CORIN: variants seen among roughly 807,000 people sequenced by gnomAD.
CORIN encodes atrial natriuretic peptide-converting enzyme.
CORIN carries 117 observed loss-of-function variants against 125.3 expected under a neutral mutation model. The observed-to-expected ratio is 0.93, with a 90% confidence interval of 0.80 to 1.09. The LOEUF is 1.09. CORIN is among the 50% of genes least tolerant of loss of function. The pLI is 0.00. For synonymous variants in CORIN, 450 were observed against 466.4 expected, an observed-to-expected ratio of 0.96 and a Z score of 0.45; for missense variants, 1,253 against 1,306.7, an observed-to-expected ratio of 0.96 and a Z score of 0.63.
intron 2 of CORIN, among the ~76,000 whole-genome samples, chr4:47,795,004 A>T (rs1032323666): frequency 6.6e-6 from 1 of 151,996 alleles, no homozygotes; most frequent in Non-Finnish European, 1.5e-5. Flanking sequence ...ATCCTTTTGG[A>T]TGTGGATATG....
In CORIN at chr4:47,757,878, G is replaced by GTGTA. The variant is rs754526773; in HGVS notation, c.617+5500_617+5501insTACA. ...TACACATATATATACATATATATAT[G>GTGTA]TATATATATATATATATATATATAT... On this transcript the variant is annotated intron_variant, in intron 4 of 21. Transcript: ENST00000273857. Among the ~76,000 whole-genome samples the GTGTA allele has an allele frequency of 5.2e-4, 64 of 123,910 alleles. 1 individual carries two copies. Among genetic ancestry groups the GTGTA allele is most frequent in the African/African-American group, 1.1e-3 (33 of 30,564 alleles). 81.3% of individuals were successfully genotyped at this position (123,910 alleles called of 152,430 possible).
At chr4:47,714,067 C>T (rs1726979055) in intron 5 of CORIN, among the ~76,000 whole-genome samples, 1 of 152,066 alleles carries the variant, frequency 6.6e-6, no homozygotes, top group Non-Finnish European at 1.5e-5. Context: ...TGGGTTCAAG[C>T]ACCAGCTCTG....
intron 5 of CORIN, among the ~76,000 whole-genome samples, chr4:47,706,214 C>T (rs1312851988): frequency 2.0e-5 from 3 of 152,124 alleles, no homozygotes; most frequent in African/African-American, 4.8e-5. Context: ...AATTTCTCAC[C>T]GTGGTATCCA....
intron 19 of CORIN, among the ~76,000 whole-genome samples, chr4:47,608,360 G>T (rs1721739935): frequency 6.6e-6 from 1 of 152,140 alleles, no homozygotes; most frequent in African/African-American, 2.4e-5. Flanking sequence ...ACCAAGAAAA[G>T]AAAGCCAAGT....
intron 4 of CORIN, among the ~76,000 whole-genome samples, chr4:47,760,019 T>C (rs898861905): frequency 2.6e-5 from 4 of 152,236 alleles, no homozygotes; most frequent in African/African-American, 9.6e-5. Flanking sequence ...ATCACAAGCA[T>C]TCTTAATGGA....
At chr4:47,811,006 G>T (rs1324029666) in intron 1 of CORIN, among the ~76,000 whole-genome samples, 3 of 152,180 alleles carry the variant, frequency 2.0e-5, no homozygotes, top group Admixed American at 2.0e-4. Context: ...GTCAGGCATT[G>T]TTTGGGCACT....
intron 3 of CORIN, among the ~76,000 whole-genome samples, chr4:47,775,137 G>C (rs939739946): frequency 2.0e-5 from 3 of 152,122 alleles, no homozygotes; most frequent in Admixed American, 6.5e-5. Context: ...CATACAAGTG[G>C]AACAGCTCCC....
intron 7 of CORIN, chr4:47,680,982 A>T (rs1725252387): frequency 6.6e-6 from 1 of 152,238 alleles, no homozygotes. Flanking sequence ...GATTCTTTTT[A>T]GCCTGGACTT....
intron 5 of CORIN, among the ~76,000 whole-genome samples, chr4:47,735,747 C>T (rs973090185): frequency 1.3e-5 from 2 of 151,874 alleles, no homozygotes; most frequent in Admixed American, 6.6e-5. Context: ...GGTGAAACCA[C>T]GTCTCTACTA....
At chr4:47,600,685 T>C (rs1239153868) in intron 20 of CORIN, among the ~76,000 whole-genome samples, 5 of 152,198 alleles carry the variant, frequency 3.3e-5, no homozygotes, top group African/African-American at 9.6e-5. Flanking sequence ...AAGCCAGAGC[T>C]CTGCTGGCTG....
intron 3 of CORIN, among the ~76,000 whole-genome samples, chr4:47,776,191 ATTTTTTGTAGAGATAG>A (rs1199371566): frequency 6.6e-6 from 1 of 150,732 alleles, no homozygotes; most frequent in Non-Finnish European, 1.5e-5. Flanking sequence ...AGCTATTTGT[ATTTTTTGTAGAGATAG>A]TTTTGCCATG....
chr4:47,706,886 C>T, intron 5 of CORIN: 2 of 1,599,174 alleles, frequency 1.3e-6, no homozygotes, highest in Non-Finnish European at 1.7e-6. Context: ...CCGAAAGAGC[C>T]GTGGCCTTGG....
intron 1 of CORIN, among the ~76,000 whole-genome samples, chr4:47,822,605 G>A (rs531150058): frequency 1.4e-4 from 22 of 152,232 alleles, no homozygotes; most frequent in African/African-American, 4.8e-4. Flanking sequence ...CTCAGTTGTG[G>A]TTTAGGATTA....
intron 16 of CORIN, chr4:47,632,397 C>A (rs1300872453): frequency 6.6e-6 from 1 of 152,166 alleles, no homozygotes; most frequent in Non-Finnish European, 1.5e-5. Context: ...TTATACTAAA[C>A]ATTTTGTATC....
At chr4:47,607,812 TG>T (rs1211479679) in intron 19 of CORIN, among the ~76,000 whole-genome samples, 1 of 152,106 alleles carries the variant, frequency 6.6e-6, no homozygotes, top group African/African-American at 2.4e-5. Context: ...CCGGATGTGG[TG>T]GCGTGCACCT....
At chr4:47,799,589 G>T (rs1393887137) in intron 2 of CORIN, among the ~76,000 whole-genome samples, 1 of 151,854 alleles carries the variant, frequency 6.6e-6, no homozygotes, top group East Asian at 1.9e-4. Context: ...CATGTATTTT[G>T]CCCACTTTAT....
At chr4:47,808,731 A>G (rs990896271) in intron 1 of CORIN, among the ~76,000 whole-genome samples, 9 of 152,260 alleles carry the variant, frequency 5.9e-5, no homozygotes, top group African/African-American at 2.2e-4. Flanking sequence ...AGATAAGTGT[A>G]CAACACTTAC....
At chr4:47,603,129 T>C (rs1577727721) in intron 20 of CORIN, among the ~76,000 whole-genome samples, 1 of 152,054 alleles carries the variant, frequency 6.6e-6, no homozygotes, top group South Asian at 2.1e-4. Flanking sequence ...AATTGAAACA[T>C]GGGGGGCAGT....
chr4:47,771,162 C>T (rs1054764827), intron 3 of CORIN, among the ~76,000 whole-genome samples: 1 of 152,088 alleles, frequency 6.6e-6, no homozygotes, highest in African/African-American at 2.4e-5. Context: ...TATGAGCCCT[C>T]ACAGAGGGAC....
Sources: allele counts gnomAD v4.1 joint callset (sites outside exome capture counted in the v4.1 genomes callset), GRCh38; gene constraint gnomAD v4.1.1; transcripts MANE v1.5; gene names NCBI Gene and HGNC (gene_info 2026-07-23, HGNC 2026-07-21).